Variants in CDH2 observed in about 807,000 individuals in gnomAD.
CDH2 encodes the protein cadherin-2.
Under a neutral mutation model 92.0 loss-of-function variants are expected in CDH2, and 17 were observed. The ratio of observed to expected loss-of-function variants is 0.18; its 90% CI spans 0.13 to 0.28. The LOEUF is 0.28. CDH2 is among the 10% of genes least tolerant of loss of function. CDH2 has a pLI of 1.00. For missense variants in CDH2, 862 were observed against 1,133.1 expected, an observed-to-expected ratio of 0.76 and a Z score of 3.44; for synonymous variants, 419 against 415.9, an observed-to-expected ratio of 1.01 and a Z score of -0.09.
intron 2 of CDH2, among the ~76,000 whole-genome samples, chr18:28,049,639 C>T (rs1367369460): frequency 6.6e-6 from 1 of 152,158 alleles, no homozygotes; most frequent in Admixed American, 6.5e-5. Context: ...ATTAACTCAC[C>T]ACTGAATAGT....
intron 2 of CDH2, among the ~76,000 whole-genome samples, chr18:28,123,833 T>C (rs2015631448): frequency 6.6e-6 from 1 of 152,126 alleles, no homozygotes; most frequent in Non-Finnish European, 1.5e-5. Context: ...AAGGAAGAAC[T>C]GAAAGCACTT....
Position 28,147,820 on chromosome 18 carries a change from T to C in CDH2, c.61-36A>G, listed in dbSNP as rs202073015. 19 of 1,153,768 alleles carry C rather than the reference T, an allele frequency of 1.6e-5. No individual in the cohort carries two copies. The African/African-American group carries it at 2.6e-4, about 16-fold the overall frequency. 71.5% of individuals were successfully genotyped at this position (1,153,768 alleles called of 1,614,324 possible). On this transcript the variant is annotated intron_variant, in intron 1 of 15. Coordinates refer to ENST00000269141, the MANE Select transcript of CDH2 (RefSeq NM_001792.5). ...AGAAAAAAAAAAAAAATGTGTGCAA[T>C]GATTGCTACCTCCTTCAACTGAGAA...
Position 28,170,132 on chromosome 18 carries a change from A to G in CDH2, c.60+6831T>C, listed in dbSNP as rs182346139. ...TATTTAGCTATCCATTAATTCAGCC[A>G]ATCTTCCTTTGGATCTACTTATAGC... is the stretch of plus-strand genomic sequence containing the variant. On this transcript the variant is annotated intron_variant, in intron 1 of 15. Transcript: ENST00000269141. 1.3e-5 allele frequency among the ~76,000 whole-genome samples: 2 copies of G among 152,338 alleles called. 1 individual carries two copies. The highest frequency in any genetic ancestry group is 1.3e-4 in the Admixed American group (2 of 15,300).
At chr18:28,127,514 G>A (rs924225106) in intron 2 of CDH2, among the ~76,000 whole-genome samples, 2 of 141,790 alleles carry the variant, frequency 1.4e-5, no homozygotes, top group African/African-American at 5.0e-5. Flanking sequence ...ATTTTCCTAG[G>A]CAAAAATACA....
chr18:27,955,800 A>G (rs1238124816), intron 15 of CDH2, among the ~76,000 whole-genome samples: 2 of 131,066 alleles, frequency 1.5e-5, no homozygotes. Flanking sequence ...AAGGCCATAA[A>G]ATCCATTAGA....
chr18:28,133,499 T>G (rs2015808162), intron 2 of CDH2, among the ~76,000 whole-genome samples: 1 of 149,828 alleles, frequency 6.7e-6, no homozygotes, highest in Non-Finnish European at 1.5e-5. Context: ...GGAGAATCGC[T>G]TGAACCTGGG....
chr18:28,133,497 G>A (rs12458872), intron 2 of CDH2, among the ~76,000 whole-genome samples: 30,488 of 148,014 alleles, frequency 0.21, 3,648 homozygotes, highest in Non-Finnish European at 0.28. Flanking sequence ...CAGGAGAATC[G>A]CTTGAACCTG....
chr18:28,145,843 CT>C (rs955386494), intron 2 of CDH2, among the ~76,000 whole-genome samples: 2 of 151,474 alleles, frequency 1.3e-5, no homozygotes, highest in African/African-American at 4.8e-5. Context: ...AAAAAAAAGG[CT>C]AAAACCTAAA....
chr18:27,972,727 A>G (rs1157318463), intron 14 of CDH2, among the ~76,000 whole-genome samples: 2 of 152,206 alleles, frequency 1.3e-5, no homozygotes, highest in African/African-American at 2.4e-5. Context: ...CTAACATTCT[A>G]TGAGTGTTGC....
chr18:28,034,573 C>G (rs1172716837), intron 2 of CDH2, among the ~76,000 whole-genome samples: 4 of 151,858 alleles, frequency 2.6e-5, no homozygotes, highest in Non-Finnish European at 4.4e-5. Flanking sequence ...ATTTTTCCTT[C>G]CAATACGTTA....
In CDH2 at chr18:27,992,693, C is replaced by G; in HGVS notation, c.1306G>C (p.Asp436His). 1 of 1,613,484 alleles carries G rather than the reference C, an allele frequency of 6.2e-7. No individual in the cohort carries two copies. The highest frequency in any genetic ancestry group is 8.5e-7 in the Non-Finnish European group (1 of 1,179,716). The stretch of plus-strand genomic sequence containing the variant: ...ACTAACCCGTCGTTGCTGTTTGGGT[C>G]GGTCTGGATGGCGAACCGTCCAGTA... Reference protein sequence around the residue: ...DPTGRFAIQTDPNSNDGLVTV... With the variant: ...DPTGRFAIQTHPNSNDGLVTV... The change falls in exon 9 of 16, where the codon GAC (aspartate) becomes CAC (histidine). Residue 436 changes from aspartate (D) to histidine (H), a missense_variant. Asp to His is a moderately conservative substitution (Grantham distance 81). This residue lies in a region of CDH2 where 564 missense variants were observed against 722.2 expected (regional missense o/e 0.78). Coordinates refer to ENST00000269141, the MANE Select transcript of CDH2 (RefSeq NM_001792.5).
intron 2 of CDH2, among the ~76,000 whole-genome samples, chr18:28,109,001 C>A (rs147849716): frequency 6.6e-6 from 1 of 152,080 alleles, no homozygotes; most frequent in East Asian, 1.9e-4. Flanking sequence ...AACACAACAG[C>A]GCCTTCTCCA....
rs529929732 is a variant in CDH2 at position 27,945,137 on chromosome 18, A to C, written c.1152-12013T>G. Among the ~76,000 whole-genome samples, 14 of 152,146 alleles carry C rather than the reference A, an allele frequency of 9.2e-5. No individual in the cohort carries two copies. In the East Asian group the frequency reaches 2.5e-3, roughly 27 times the overall value. On this transcript the variant is annotated intron_variant, in intron 6 of 6. Coordinates refer to the CDH2 transcript ENST00000675173. ...CCACCCAGTGCTTAATTAGGCTAAG[A>C]AGCAGAAAAAATGGTGATGTGTGAG...
chr18:28,101,283 T>A (rs1307417463), intron 2 of CDH2, among the ~76,000 whole-genome samples: 3 of 152,126 alleles, frequency 2.0e-5, no homozygotes, highest in African/African-American at 7.2e-5. Flanking sequence ...ATTTCAGACC[T>A]TCCCATGCCC....
intron 15 of CDH2, among the ~76,000 whole-genome samples, chr18:27,955,381 AAAAAG>A (rs1263783925): frequency 1.0e-4 from 9 of 88,126 alleles, no homozygotes; most frequent in African/African-American, 2.9e-4. Flanking sequence ...AAAAAAAAAA[AAAAAG>A]AAAAAGAAAG....
intron 2 of CDH2, among the ~76,000 whole-genome samples, chr18:28,122,371 G>A (rs1372211556): frequency 2.0e-5 from 3 of 152,120 alleles, no homozygotes; most frequent in Admixed American, 6.6e-5. Context: ...GTGCACAGCA[G>A]GTGCTGCCTT....
intron 1 of CDH2, among the ~76,000 whole-genome samples, chr18:28,161,226 C>G (rs1408979883): frequency 1.3e-5 from 2 of 152,186 alleles, no homozygotes; most frequent in Non-Finnish European, 2.9e-5. Context: ...GGTTTGCTTT[C>G]TAACTTTGAA....
At chr18:28,052,237 T>C (rs911908346) in intron 2 of CDH2, among the ~76,000 whole-genome samples, 2 of 152,204 alleles carry the variant, frequency 1.3e-5, no homozygotes, top group South Asian at 2.1e-4. Flanking sequence ...TTTCAACTTA[T>C]TCCACATGGG....
At chr18:28,140,244 A>G (rs2015930564) in intron 2 of CDH2, among the ~76,000 whole-genome samples, 3 of 152,014 alleles carry the variant, frequency 2.0e-5, no homozygotes, top group Admixed American at 6.6e-5. Context: ...ATGACCTTGG[A>G]TTTTGCAATG....
Sources: allele counts gnomAD v4.1 joint callset (sites outside exome capture counted in the v4.1 genomes callset), GRCh38; gene constraint gnomAD v4.1.1; regional missense constraint gnomAD v4.1.1; transcripts MANE v1.5; gene names NCBI Gene and HGNC (gene_info 2026-07-23, HGNC 2026-07-21).